LRMDA: variants seen among roughly 807,000 people sequenced by gnomAD.
The protein encoded by LRMDA is leucine rich melanocyte differentiation associated, also known as leucine-rich melanocyte differentiation-associated protein.
LRMDA carries 18 observed loss-of-function variants against 29.8 expected under a neutral mutation model. The observed-to-expected ratio is 0.60, with a 90% CI of 0.42 to 0.90. The LOEUF is 0.90. Among genes scored for constraint, LRMDA ranks in the 40% least tolerant of loss-of-function variants. The pLI is 0.00. For missense variants in LRMDA, 273 were observed against 273.9 expected (o/e 1.00, Z 0.02); for synonymous variants, 125 against 109.4 (o/e 1.14, Z -0.89).
intron 5 of LRMDA, among the ~76,000 whole-genome samples, chr10:76,279,639 G>A (rs1038863961): frequency 1.8e-4 from 26 of 148,208 alleles, no homozygotes; most frequent in Admixed American, 5.5e-4. Context: ...GCTGCCTCCC[G>A]GGTTCAAGCG....
At chr10:75,550,948 C>T (rs1443991942) in intron 2 of LRMDA, among the ~76,000 whole-genome samples, 1 of 151,684 alleles carries the variant, frequency 6.6e-6, no homozygotes, top group Non-Finnish European at 1.5e-5. Context: ...TTTCTTCTTT[C>T]CATCCTTTGT....
At chr10:76,544,742 AC>A in intron 6 of LRMDA, among the ~76,000 whole-genome samples, 1 of 148,502 alleles carries the variant, frequency 6.7e-6, no homozygotes, top group Non-Finnish European at 1.5e-5. Flanking sequence ...ACACACACAC[AC>A]ACACACACAC....
At chr10:76,190,897 G>C (rs528106902) in intron 5 of LRMDA, among the ~76,000 whole-genome samples, 11 of 152,342 alleles carry the variant, frequency 7.2e-5, no homozygotes, top group African/African-American at 2.6e-4. Context: ...GTCAGCAGAC[G>C]TGGTTAATTG....
chr10:75,851,253 C>T (rs530781477), intron 2 of LRMDA, among the ~76,000 whole-genome samples: 22 of 152,098 alleles, frequency 1.4e-4, no homozygotes, highest in African/African-American at 1.9e-4. Context: ...TTTAATATTA[C>T]GATAATATAG....
chr10:76,542,992 C>T (rs1239272735), intron 6 of LRMDA, among the ~76,000 whole-genome samples: 1 of 152,156 alleles, frequency 6.6e-6, no homozygotes, highest in East Asian at 1.9e-4. Context: ...GCTGGCTTGC[C>T]TGAGACGGGA....
At chr10:76,089,027 G>A (rs7067906) in intron 5 of LRMDA, among the ~76,000 whole-genome samples, 8,836 of 152,190 alleles carry the variant, frequency 0.058, 663 homozygotes, top group African/African-American at 0.17. Flanking sequence ...GTCGTTGAGC[G>A]AGACACTGAG....
chr10:75,672,356 A>G (rs1589153030), intron 2 of LRMDA, among the ~76,000 whole-genome samples: 1 of 151,584 alleles, frequency 6.6e-6, no homozygotes, highest in East Asian at 2.0e-4. Context: ...AAGTGACAAT[A>G]ATGACTCAAA....
chr10:76,322,213 G>T (rs1299373485), intron 5 of LRMDA, among the ~76,000 whole-genome samples: 3 of 152,058 alleles, frequency 2.0e-5, no homozygotes, highest in Admixed American at 2.0e-4. Flanking sequence ...TATGATAATT[G>T]TGTCTTTCTG....
intron 5 of LRMDA, among the ~76,000 whole-genome samples, chr10:76,109,858 C>A (rs1849548294): frequency 6.6e-6 from 1 of 152,174 alleles, no homozygotes; most frequent in Non-Finnish European, 1.5e-5. Flanking sequence ...CTTTTGACCA[C>A]CTCCCTGGCC....
chr10:76,255,845 A>G (rs1025262515), intron 5 of LRMDA, among the ~76,000 whole-genome samples: 4 of 152,252 alleles, frequency 2.6e-5, no homozygotes, highest in Non-Finnish European at 4.4e-5. Flanking sequence ...AGAGAATAAA[A>G]TATGTTTCAG....
intron 2 of LRMDA, among the ~76,000 whole-genome samples, chr10:75,481,652 G>A (rs1390998808): frequency 6.6e-6 from 1 of 152,164 alleles, no homozygotes; most frequent in Non-Finnish European, 1.5e-5. Flanking sequence ...TTTTGGAGAG[G>A]CAAATCTGAT....
chr10:76,251,302 G>A (rs1204318885), intron 5 of LRMDA, among the ~76,000 whole-genome samples: 1 of 123,884 alleles, frequency 8.1e-6, no homozygotes, highest in Non-Finnish European at 1.6e-5. Flanking sequence ...CCGGACTGCG[G>A]ACTGCAGTGG....
intron 2 of LRMDA, among the ~76,000 whole-genome samples, chr10:75,869,812 G>C (rs529094610): frequency 7.2e-5 from 11 of 152,076 alleles, no homozygotes; most frequent in Non-Finnish European, 1.3e-4. Context: ...TCGCTTTTCT[G>C]TCCTGTCTCC....
Position 75,573,354 on chromosome 10 carries a change from G to A in LRMDA, c.131+134860G>A, listed in dbSNP as rs569443695. On this transcript the variant is annotated intron_variant, in intron 2 of 6. Coordinates refer to ENST00000611255, the MANE Select transcript of LRMDA (RefSeq NM_001305581.2). ...TTTCCCCAGTTCTGGAAAATCCTCA[G>A]CTGTTCTCTTTTTGATTATTGTCAT... 3.3e-5 allele frequency among the ~76,000 whole-genome samples: 5 copies of A among 152,142 alleles called. No homozygotes were observed. The South Asian group carries it at 8.3e-4, about 25-fold the overall frequency.
chr10:75,481,882 C>T (rs1275849250), intron 2 of LRMDA, among the ~76,000 whole-genome samples: 1 of 152,182 alleles, frequency 6.6e-6, no homozygotes, highest in Non-Finnish European at 1.5e-5. Flanking sequence ...TTGGAAGTCT[C>T]TTACCCCCAC....
chr10:75,788,064 G>T (rs1205989648), intron 2 of LRMDA, among the ~76,000 whole-genome samples: 1 of 152,112 alleles, frequency 6.6e-6, no homozygotes, highest in Non-Finnish European at 1.5e-5. Context: ...AGCTGGACGT[G>T]GTGGTGGGTG....
intron 6 of LRMDA, among the ~76,000 whole-genome samples, chr10:76,407,596 A>G (rs1589169634): frequency 6.6e-6 from 1 of 152,210 alleles, no homozygotes; most frequent in South Asian, 2.1e-4. Flanking sequence ...AGATTTTATG[A>G]TCACTGTCAG....
chr10:75,838,034 A>G (rs11595613), intron 2 of LRMDA, among the ~76,000 whole-genome samples: 56,346 of 152,018 alleles, frequency 0.37, 12,305 homozygotes, highest in South Asian at 0.52. Context: ...TGAAGTATAT[A>G]TAAAAACCAC....
At chr10:75,940,263 G>A (rs761037608) in intron 2 of LRMDA, among the ~76,000 whole-genome samples, 2 of 152,146 alleles carry the variant, frequency 1.3e-5, no homozygotes, top group East Asian at 1.9e-4. Context: ...TAAGCGGCTG[G>A]GGGTGGGAAG....
Sources: allele counts gnomAD v4.1 joint callset (sites outside exome capture counted in the v4.1 genomes callset), GRCh38; gene constraint gnomAD v4.1.1; transcripts MANE v1.5; gene names NCBI Gene and HGNC (gene_info 2026-07-23, HGNC 2026-07-21).